CACNA1D: variants seen among roughly 807,000 people sequenced by gnomAD.
The protein encoded by CACNA1D is calcium voltage-gated channel subunit alpha1 D.
In CACNA1D, 55 loss-of-function variants were observed where a neutral mutation model predicts 257.1. That is an observed-to-expected ratio of 0.21 (90% CI 0.17 to 0.27). The LOEUF (loss-of-function observed/expected upper bound fraction) is 0.27. Among genes scored for constraint, CACNA1D ranks in the 10% least tolerant of loss-of-function variants. The pLI, the probability that CACNA1D is intolerant of heterozygous loss-of-function variation, is 1.00. For synonymous variants in CACNA1D, 980 were observed against 1,014.9 expected, an observed-to-expected ratio of 0.97 and a Z score of 0.65; for missense variants, 1,876 against 2,784.0, an observed-to-expected ratio of 0.67 and a Z score of 7.34.
chr3:53,807,073 C>T (rs1394163028), intron 45 of CACNA1D, among the ~76,000 whole-genome samples: 2 of 152,230 alleles, frequency 1.3e-5, no homozygotes, highest in African/African-American at 4.8e-5. Flanking sequence ...AAGAACATTT[C>T]CCTCCTCCAC....
intron 9 of CACNA1D, among the ~76,000 whole-genome samples, chr3:53,713,389 T>C (rs186301343): frequency 3.7e-4 from 56 of 152,278 alleles, no homozygotes; most frequent in African/African-American, 1.3e-3. Context: ...TTTGACCTCA[T>C]CAGCCTCCAT....
At chr3:53,631,120 G>A (rs1036629760) in intron 3 of CACNA1D, among the ~76,000 whole-genome samples, 7 of 152,176 alleles carry the variant, frequency 4.6e-5, no homozygotes, top group Non-Finnish European at 5.9e-5. Flanking sequence ...TTAAAACAAG[G>A]AAGTTTGCCA....
rs182091388 is a variant in CACNA1D, at chr3:53,707,614, A to T, written c.1390+4804A>T. ...CTGAGCATTTGGTAAATTTTCAAGG[A>T]TAATTTATTTAACTTTTTGCTGAGC... On this transcript the variant is annotated intron_variant, in intron 9 of 47. Transcript: ENST00000350061. Among the ~76,000 whole-genome samples the T allele has an allele frequency of 4.0e-3, 604 of 152,344 alleles. 15 individuals carry two copies. Among genetic ancestry groups the T allele is most frequent in the Admixed American group, 0.036 (548 of 15,302 alleles).
rs1368991850 is a variant in CACNA1D, at chr3:53,785,080, G to T, written c.4793-1742G>T. Among the ~76,000 whole-genome samples the T allele has an allele frequency of 5.3e-5, 8 of 152,154 alleles. No homozygotes were observed. In the East Asian group the frequency reaches 1.5e-3, roughly 29 times the overall value. ...GACACAGGGCTTGGCATCTATAGATGTCCAACAGTAGGGGCTGGCTAGAGC... is the reference window on the plus strand; with the variant it reads ...GACACAGGGCTTGGCATCTATAGATTTCCAACAGTAGGGGCTGGCTAGAGC... On this transcript the variant is annotated intron_variant, in intron 39 of 47. Transcript: ENST00000350061.
chr3:53,713,899 G>A (rs1020545143), intron 9 of CACNA1D, among the ~76,000 whole-genome samples: 13 of 151,984 alleles, frequency 8.6e-5, no homozygotes, highest in African/African-American at 2.4e-4. Flanking sequence ...CAGGCCCCCC[G>A]CCACCAATCT....
intron 3 of CACNA1D, among the ~76,000 whole-genome samples, chr3:53,631,572 A>T (rs892057988): frequency 9.9e-5 from 15 of 152,212 alleles, no homozygotes; most frequent in African/African-American, 3.1e-4. Context: ...ACTTTCTTTA[A>T]TGAATCACAA....
At chr3:53,567,778 T>G (rs978513762) in intron 3 of CACNA1D, among the ~76,000 whole-genome samples, 1 of 152,242 alleles carries the variant, frequency 6.6e-6, no homozygotes, top group African/African-American at 2.4e-5. Context: ...GTTATGGACA[T>G]GTCTTGTATA....
intron 47 of CACNA1D, among the ~76,000 whole-genome samples, chr3:53,810,787 C>CAAAAAAAACAAAAAAAA (rs960057720): frequency 1.1e-5 from 1 of 87,750 alleles, no homozygotes; most frequent in African/African-American, 4.5e-5. Flanking sequence ...AAAAAAAAAA[C>CAAAAAAAACAAAAAAAA]AAAAACTGGT....
At chr3:53,733,321 G>A (rs543098692) in intron 19 of CACNA1D, among the ~76,000 whole-genome samples, 4 of 152,292 alleles carry the variant, frequency 2.6e-5, no homozygotes, top group African/African-American at 4.8e-5. Flanking sequence ...TCCATGCTTC[G>A]GCCAGCCGTG....
At chr3:53,718,409 C>T (rs2094843373) in intron 10 of CACNA1D, 21 bp downstream of exon 10, 1 of 1,597,398 alleles carries the variant, frequency 6.3e-7, no homozygotes, top group South Asian at 1.1e-5. Context: ...GGAGCACTTG[C>T]CCTCTTTCCC....
chr3:53,611,724 T>C (rs1382539940), intron 3 of CACNA1D, among the ~76,000 whole-genome samples: 2 of 152,264 alleles, frequency 1.3e-5, no homozygotes, highest in African/African-American at 4.8e-5. Context: ...TTTTGGATAA[T>C]GTAAATGTAG....
At chr3:53,735,216 C>T (rs1336119780) in intron 19 of CACNA1D, among the ~76,000 whole-genome samples, 158 bp from the exon 20 acceptor site, 2 of 152,352 alleles carry the variant, frequency 1.3e-5, no homozygotes, top group South Asian at 2.1e-4. Context: ...GAGAGGCTGA[C>T]GGACAGGTTG....
intron 44 of CACNA1D, among the ~76,000 whole-genome samples, chr3:53,804,429 C>G (rs945058613): frequency 6.6e-6 from 1 of 152,228 alleles, no homozygotes; most frequent in Non-Finnish European, 1.5e-5. Context: ...CTCATCCCCC[C>G]TGTCGAGGGC....
chr3:53,529,732 A>ATG (rs1480131332), intron 3 of CACNA1D, among the ~76,000 whole-genome samples: 51 of 152,328 alleles, frequency 3.3e-4, no homozygotes, highest in African/African-American at 1.2e-3. Context: ...GAAATACTTT[A>ATG]AGTGGGTTGA....
At chr3:53,538,396 A>T (rs1486067526) in intron 3 of CACNA1D, among the ~76,000 whole-genome samples, 1 of 151,992 alleles carries the variant, frequency 6.6e-6, no homozygotes, top group Non-Finnish European at 1.5e-5. Flanking sequence ...ACCTCAAGTG[A>T]TCCGTCCCCA....
At chr3:53,576,359 A>G (rs1279905108) in intron 3 of CACNA1D, among the ~76,000 whole-genome samples, 2 of 152,218 alleles carry the variant, frequency 1.3e-5, no homozygotes, top group Non-Finnish European at 2.9e-5. Context: ...CCGAAATTTT[A>G]AGTGGATTTA....
intron 9 of CACNA1D, among the ~76,000 whole-genome samples, chr3:53,714,913 A>G (rs912411215): frequency 6.6e-6 from 1 of 151,420 alleles, no homozygotes; most frequent in Admixed American, 6.5e-5. Context: ...AGGGAAAGTC[A>G]TATTAATTTT....
At chr3:53,585,960 T>C (rs1346694595) in intron 3 of CACNA1D, among the ~76,000 whole-genome samples, 2 of 152,010 alleles carry the variant, frequency 1.3e-5, no homozygotes, top group African/African-American at 2.4e-5. Flanking sequence ...CTGCCTGGAG[T>C]CCCTGCCTCC....
chr3:53,690,495 T>C (rs1039949701), intron 8 of CACNA1D, among the ~76,000 whole-genome samples: 2 of 152,144 alleles, frequency 1.3e-5, no homozygotes, highest in African/African-American at 4.8e-5. Flanking sequence ...AGCCCAGCCC[T>C]GGGGTGTGGT....
Sources: allele counts gnomAD v4.1 joint callset (sites outside exome capture counted in the v4.1 genomes callset), GRCh38; gene constraint gnomAD v4.1.1; transcripts MANE v1.5; gene names NCBI Gene and HGNC (gene_info 2026-07-23, HGNC 2026-07-21).